CARS2: variants seen among roughly 807,000 people sequenced by gnomAD.
CARS2 encodes the protein cysteinyl-tRNA synthetase 2, mitochondrial.
A neutral mutation model predicts 68.8 loss-of-function variants in CARS2; 52 were observed. That is an observed-to-expected ratio of 0.76 (90% CI 0.61 to 0.95). CARS2 has a LOEUF of 0.95. CARS2 is among the 40% of genes least tolerant of loss of function. CARS2 has a pLI of 0.00. For synonymous variants in CARS2, 314 were observed against 303.6 expected (o/e 1.03, Z -0.36); for missense variants, 780 against 754.2 (o/e 1.03, Z -0.40).
At chr13:110,706,357 G>C (rs1279605178), upstream of CARS2, 3 of 281,874 alleles carry the variant, frequency 1.1e-5, no homozygotes, top group African/African-American at 6.7e-5. Context: ...GGAGGCCGTG[G>C]GAAGAGGCGG....
chr13:110,679,305 G>A (rs375542868), intron 6 of CARS2, among the ~76,000 whole-genome samples: 45 of 151,910 alleles, frequency 3.0e-4, no homozygotes, highest in Non-Finnish European at 4.9e-4. Context: ...CGAGGCGGGC[G>A]GATCACCTGA....
chr13:110,641,752 C>G (rs1887334586), intron 14 of CARS2, 144 bp from the exon 15 acceptor site: 1 of 714,536 alleles, frequency 1.4e-6, no homozygotes, highest in African/African-American at 1.7e-5. Flanking sequence ...AAGGGCCCCA[C>G]TACCTCCAGC....
rs567468248 is a variant in CARS2 at position 110,712,106 on chromosome 13, C to T, written n.399+1031G>A. On this transcript the variant is annotated intron_variant and non_coding_transcript_variant, in intron 1 of 2. Coordinates refer to the CARS2 transcript ENST00000485188. ...AAACCCGGTGGATAAAAGCTGAAAT[C>T]CGACCCTGTCCTAATTAAGAGGCTA... 4 of 152,382 alleles carry T rather than the reference C, an allele frequency of 2.6e-5. 1 individual carries two copies. In the South Asian group the frequency reaches 8.3e-4, roughly 32 times the overall value. 9.4% of individuals were successfully genotyped at this position (152,382 alleles called of 1,614,324 possible). A position where few individuals can be genotyped will look rare whatever the true frequency, so the allele number is the denominator to read the frequency against.
Position 110,668,748 on chromosome 13 carries a change from A to G in CARS2, c.786-1275T>C, listed in dbSNP as rs1161779805. 6.6e-6 allele frequency among the ~76,000 whole-genome samples: 1 copy of G among 152,168 alleles called. No individual in the cohort carries two copies. The highest frequency in any genetic ancestry group is 1.5e-5 in the Non-Finnish European group (1 of 68,032). On this transcript the variant is annotated intron_variant, in intron 7 of 14. Coordinates refer to ENST00000257347, the MANE Select transcript of CARS2 (RefSeq NM_024537.4). This position sits in a 1 kb window ranked among gnomAD's most constrained non-coding sequence, Gnocchi z 4.1. ...ACGTGAAAGTTTCACAAGCTGAACT[A>G]TGGGGCCACAACCTTCACTATGTTA...
intron 3 of CARS2, among the ~76,000 whole-genome samples, chr13:110,698,251 G>A (rs962582677): frequency 1.3e-5 from 2 of 152,056 alleles, no homozygotes; most frequent in Non-Finnish European, 2.9e-5. Flanking sequence ...CAGGCGTGGT[G>A]GCTCACACCT....
chr13:110,672,133 A>C (rs554564950), intron 7 of CARS2, among the ~76,000 whole-genome samples: 29 of 152,190 alleles, frequency 1.9e-4, no homozygotes, highest in Non-Finnish European at 3.5e-4. Flanking sequence ...TTAACACCCC[A>C]CTGTCAACAT....
rs2062910844 is a variant in CARS2, at chr13:110,675,172, T to G, written c.785+1802A>C. Among the ~76,000 whole-genome samples, 6 of 152,212 alleles carry G rather than the reference T, an allele frequency of 3.9e-5. 1 individual carries two copies. In the South Asian group the frequency reaches 1.2e-3, roughly 32 times the overall value. On this transcript the variant is annotated intron_variant, in intron 7 of 14. Coordinates refer to ENST00000257347, the MANE Select transcript of CARS2 (RefSeq NM_024537.4). ...TGGCGATTCCTCAGGGATCTAGAAC[T>G]AGAAATACCATTTGACCCAGCCATC...
chr13:110,713,494 C>G (rs1436756218), exon 1 of CARS2: 1 of 987,232 alleles, frequency 1.0e-6, no homozygotes, highest in Non-Finnish European at 1.2e-6. Flanking sequence ...GACGCTGTCC[C>G]CTCCGCGACC....
rs1434032699 is a variant in CARS2, at chr13:110,701,499, C to T, written c.332G>A (p.Ser111Asn). The T allele has an allele frequency of 1.3e-6, 2 of 1,599,374 alleles. No homozygotes were observed. Among genetic ancestry groups the T allele is most frequent in the Non-Finnish European group, 1.7e-6 (2 of 1,166,674 alleles). ...RRILTKVFGC[S>N]IVMVMGITDV... ...TGTAATACCCATCACCATGACTATG[C>T]TGCATCCAAAAACCTTGGTTAGGAT... Residue 111 changes from serine to asparagine, a missense_variant, in exon 3 of 15, where the codon AGC (serine) becomes AAC (asparagine). Transcript: ENST00000257347.
rs541304696 is a variant in CARS2, at chr13:110,647,512, C to T, written c.1055-273G>A. On this transcript the variant is annotated intron_variant, in intron 10 of 14. Transcript: ENST00000257347. ...CTTCCAGCCAAGAGGTGCATTTCCACTGACTGGATGGAGGTGCGGATGAAT... is the reference window on the plus strand; with the variant it reads ...CTTCCAGCCAAGAGGTGCATTTCCATTGACTGGATGGAGGTGCGGATGAAT... 6.6e-5 allele frequency among the ~76,000 whole-genome samples: 9 copies of T among 137,180 alleles called. No individual in the cohort carries two copies. The South Asian group carries it at 9.0e-4, about 14-fold the overall frequency. 90.0% of individuals were successfully genotyped at this position (137,180 alleles called of 152,430 possible).
intron 2 of CARS2, among the ~76,000 whole-genome samples, chr13:110,703,368 G>A (rs1297432835): frequency 6.6e-6 from 1 of 152,172 alleles, no homozygotes; most frequent in African/African-American, 2.4e-5. Context: ...AGGTGGGGCA[G>A]GCCAGCCCAG....
chr13:110,647,843 G>GA (rs1465418972), intron 10 of CARS2, among the ~76,000 whole-genome samples: 4 of 152,382 alleles, frequency 2.6e-5, no homozygotes, highest in South Asian at 2.1e-4. Context: ...CAACAGGAGT[G>GA]AATCGCTTTG....
At chr13:110,641,646 C>A (rs1887310086) in intron 14 of CARS2, 38 bp from the exon 15 acceptor site, 1 of 1,515,556 alleles carries the variant, frequency 6.6e-7, no homozygotes. Flanking sequence ...TGAGCAGACA[C>A]CACGTCATGT....
chr13:110,690,055 C>T (rs1233043013), intron 3 of CARS2, among the ~76,000 whole-genome samples: 2 of 151,918 alleles, frequency 1.3e-5, no homozygotes, highest in Non-Finnish European at 2.9e-5. Context: ...GGTGAAACCC[C>T]GTTGCTACTG....
At chr13:110,645,139 G>A (rs1887926638) in intron 12 of CARS2, 1 of 152,728 alleles carries the variant, frequency 6.5e-6, no homozygotes, top group Non-Finnish European at 1.5e-5. Flanking sequence ...CTTCAGTGCG[G>A]GGCAGCCTGT....
intron 7 of CARS2, among the ~76,000 whole-genome samples, chr13:110,673,083 C>T (rs571484850): frequency 6.6e-6 from 1 of 152,234 alleles, no homozygotes; most frequent in African/African-American, 2.4e-5. Context: ...AATAGCCTAC[C>T]AACCAGAAAA....
intron 1 of CARS2, chr13:110,712,423 C>T (rs1309834115): frequency 3.7e-5 from 7 of 187,524 alleles, no homozygotes; most frequent in South Asian, 7.9e-5. Context: ...GCGGCGGCCG[C>T]AGCGGGGCGG....
upstream of CARS2, chr13:110,706,152 G>C (rs958078450): frequency 2.5e-6 from 3 of 1,209,696 alleles, no homozygotes; most frequent in Non-Finnish European, 3.1e-6. Flanking sequence ...TACGCTGCCG[G>C]TCGCTCAAGA....
intron 10 of CARS2, among the ~76,000 whole-genome samples, chr13:110,649,852 T>G (rs1044391346): frequency 3.3e-5 from 5 of 151,782 alleles, no homozygotes; most frequent in Non-Finnish European, 7.4e-5. Context: ...TTATTGCCAG[T>G]TAGGTGGTCA....
Sources: gnomAD v4.1 joint callset for allele counts (sites outside exome capture counted in the v4.1 genomes callset) on GRCh38, gnomAD v4.1.1 for gene constraint, Gnocchi (gnomAD v3.1) non-coding constraint, MANE v1.5 for transcripts, NCBI Gene and HGNC (gene_info 2026-07-23, HGNC 2026-07-21) for gene names.